CSMD3: variants seen among roughly 807,000 people sequenced by gnomAD.
The protein encoded by CSMD3 is CUB and Sushi multiple domains 3, also known as CUB and sushi domain-containing protein 3.
A neutral mutation model predicts 435.2 loss-of-function variants in CSMD3; 177 were observed. That is an observed-to-expected ratio of 0.41 (90% CI 0.36 to 0.46). The LOEUF (loss-of-function observed/expected upper bound fraction) is 0.46, where lower values mean the gene tolerates loss of function less well. Among genes scored for constraint, CSMD3 ranks in the 20% least tolerant of loss-of-function variants. The pLI is 0.34. For missense variants in CSMD3, 4,265 were observed against 4,504.6 expected, an observed-to-expected ratio of 0.95 and a Z score of 1.52; for synonymous variants, 1,656 against 1,520.5, an observed-to-expected ratio of 1.09 and a Z score of -2.07.
intron 31 of CSMD3, among the ~76,000 whole-genome samples, chr8:112,486,835 T>C (rs538426995): frequency 6.6e-5 from 10 of 152,270 alleles, no homozygotes; most frequent in African/African-American, 2.2e-4. Context: ...CATCAGATTA[T>C]AAACTCTCTA....
chr8:112,466,630 T>C (rs1184403140), intron 32 of CSMD3, among the ~76,000 whole-genome samples: 1 of 152,196 alleles, frequency 6.6e-6, no homozygotes, highest in African/African-American at 2.4e-5. Flanking sequence ...TGTATGCATC[T>C]TATTTTCAAT....
intron 32 of CSMD3, among the ~76,000 whole-genome samples, chr8:112,413,422 T>C (rs1321558130): frequency 1.3e-5 from 2 of 152,234 alleles, no homozygotes; most frequent in East Asian, 1.9e-4. Context: ...GAATCCTTTT[T>C]CCTTTGGTCA....
rs1479689577 is a variant in CSMD3, at chr8:112,650,392, A to G, written c.3005-43T>C. ...GAAAATAAAGAGTAAGCTTGGTGGG[A>G]TTTGGAGTTGCTGAAAATAATTCCT... On this transcript the variant is annotated intron_variant, in intron 18 of 70. Coordinates refer to ENST00000297405, the MANE Select transcript of CSMD3 (RefSeq NM_198123.2). 2.0e-6 allele frequency: 3 copies of G among 1,486,122 alleles called. No individual in the cohort carries two copies. In the African/African-American group the frequency reaches 4.2e-5, roughly 21 times the overall value. 92.1% of individuals were successfully genotyped at this position (1,486,122 alleles called of 1,614,324 possible).
At chr8:113,343,935 T>C (rs2094136108) in intron 1 of CSMD3, among the ~76,000 whole-genome samples, 1 of 152,106 alleles carries the variant, frequency 6.6e-6, no homozygotes, top group South Asian at 2.1e-4. Flanking sequence ...TATAAATAAT[T>C]AGTTGTAATA....
At chr8:113,342,254 T>A (rs2094124604) in intron 1 of CSMD3, among the ~76,000 whole-genome samples, 1 of 152,096 alleles carries the variant, frequency 6.6e-6, no homozygotes, top group African/African-American at 2.4e-5. Context: ...CACTAGACTA[T>A]AACATCAAAG....
chr8:112,431,853 G>A (rs1249354015), intron 32 of CSMD3, among the ~76,000 whole-genome samples: 1 of 152,018 alleles, frequency 6.6e-6, no homozygotes, highest in African/African-American at 2.4e-5. Flanking sequence ...ATAGACAATA[G>A]ACAAAGCTTA....
intron 61 of CSMD3, among the ~76,000 whole-genome samples, chr8:112,262,875 A>AG (rs1358851927): frequency 6.6e-6 from 1 of 152,142 alleles, no homozygotes; most frequent in Non-Finnish European, 1.5e-5. Context: ...AAAACCCTGG[A>AG]GGGTCCTAAG....
chr8:112,330,962 T>C (rs915363926), intron 45 of CSMD3, among the ~76,000 whole-genome samples: 1 of 152,030 alleles, frequency 6.6e-6, no homozygotes, highest in Non-Finnish European at 1.5e-5. Flanking sequence ...CCCTTCTACT[T>C]ATTAGTTCTC....
intron 1 of CSMD3, among the ~76,000 whole-genome samples, chr8:113,335,268 T>C (rs2094063324): frequency 6.6e-6 from 1 of 152,066 alleles, no homozygotes; most frequent in South Asian, 2.1e-4. Flanking sequence ...CATGAGCCAA[T>C]TAAAACTTTT....
At chr8:112,540,513 G>A (rs946615042) in intron 27 of CSMD3, among the ~76,000 whole-genome samples, 23 of 152,000 alleles carry the variant, frequency 1.5e-4, no homozygotes, top group Admixed American at 1.3e-3. Flanking sequence ...TCACAATAAC[G>A]AAGGTATTCA....
intron 22 of CSMD3, among the ~76,000 whole-genome samples, chr8:112,619,933 A>T (rs1165935145): frequency 7.5e-6 from 1 of 133,486 alleles, no homozygotes; most frequent in South Asian, 2.6e-4. Flanking sequence ...CCCATGAAGG[A>T]CTACGGTAAA....
In CSMD3 at chr8:112,791,478, T is replaced by C. The variant is rs532514641; in HGVS notation, c.1972+8684A>G. 3.3e-5 allele frequency among the ~76,000 whole-genome samples: 5 copies of C among 152,276 alleles called. 1 individual carries two copies. The South Asian group carries it at 8.3e-4, about 25-fold the overall frequency. ...TGTTAGCATTTTCTAGAATTTTAAATAAATAACATCCTTCTCTTTTTCATC... is the reference window on the plus strand; with the variant it reads ...TGTTAGCATTTTCTAGAATTTTAAACAAATAACATCCTTCTCTTTTTCATC... On this transcript the variant is annotated intron_variant, in intron 13 of 70. Transcript: ENST00000297405.
chr8:113,065,568 T>G (rs539369385), intron 5 of CSMD3, among the ~76,000 whole-genome samples: 60 of 152,144 alleles, frequency 3.9e-4, no homozygotes, highest in Non-Finnish European at 5.0e-4. Context: ...TTTTGTATTT[T>G]TAGTAGAGAC....
At chr8:113,348,653 TA>T in intron 1 of CSMD3, among the ~76,000 whole-genome samples, 1 of 152,248 alleles carries the variant, frequency 6.6e-6, no homozygotes, top group Non-Finnish European at 1.5e-5. Context: ...CATATTCAGT[TA>T]AAAATGTTTT....
At chr8:113,102,887 C>T (rs916037224) in intron 4 of CSMD3, among the ~76,000 whole-genome samples, 1 of 151,960 alleles carries the variant, frequency 6.6e-6, no homozygotes, top group Admixed American at 6.6e-5. Context: ...GGGGATGTGA[C>T]ATAATTGGAT....
intron 1 of CSMD3, among the ~76,000 whole-genome samples, chr8:113,349,533 G>T (rs2132899982): frequency 6.6e-6 from 1 of 152,152 alleles, no homozygotes. Context: ...TGTAAACTCA[G>T]CACTTTGGGA....
intron 4 of CSMD3, among the ~76,000 whole-genome samples, chr8:113,128,538 A>G (rs1296176093): frequency 6.6e-6 from 1 of 152,054 alleles, no homozygotes; most frequent in African/African-American, 2.4e-5. Flanking sequence ...TGTAGAATTT[A>G]TTAAAATTAT....
chr8:112,814,077 G>A (rs554338021), intron 12 of CSMD3, among the ~76,000 whole-genome samples: 2 of 152,316 alleles, frequency 1.3e-5, no homozygotes, highest in African/African-American at 4.8e-5. Context: ...GAATCACAGA[G>A]TGATTGCCTG....
At chr8:112,756,203 T>C (rs769444057) in intron 13 of CSMD3, among the ~76,000 whole-genome samples, 1 of 152,166 alleles carries the variant, frequency 6.6e-6, no homozygotes, top group Admixed American at 6.5e-5. Context: ...TCAGGTACCA[T>C]GTACTGGTCA....
Sources: gnomAD v4.1 joint callset for allele counts (sites outside exome capture counted in the v4.1 genomes callset) on GRCh38, gnomAD v4.1.1 for gene constraint, MANE v1.5 for transcripts, NCBI Gene and HGNC (gene_info 2026-07-23, HGNC 2026-07-21) for gene names.